Variants in TAFA1 observed in about 807,000 individuals in gnomAD.
TAFA1 encodes TAFA chemokine like family member 1, also known as chemokine-like protein TAFA-1.
In TAFA1, 4 loss-of-function variants were observed where a neutral mutation model predicts 18.5. That is an observed-to-expected ratio of 0.22 (90% CI 0.11 to 0.49). The LOEUF is 0.49. TAFA1 is among the 20% of genes least tolerant of loss of function. TAFA1 has a pLI of 0.98. For missense variants in TAFA1, 147 were observed against 169.0 expected, an observed-to-expected ratio of 0.87 and a Z score of 0.72; for synonymous variants, 56 against 55.2, an observed-to-expected ratio of 1.01 and a Z score of -0.06.
intron 2 of TAFA1, among the ~76,000 whole-genome samples, chr3:68,330,448 T>C (rs2068848169): frequency 6.6e-6 from 1 of 152,230 alleles, no homozygotes; most frequent in Non-Finnish European, 1.5e-5. Flanking sequence ...TGGAGAGCTA[T>C]ACCAGGTCCC....
chr3:68,148,871 C>T (rs2065773632), intron 2 of TAFA1, among the ~76,000 whole-genome samples: 1 of 152,206 alleles, frequency 6.6e-6, no homozygotes, highest in African/African-American at 2.4e-5. Flanking sequence ...ATAATATCTA[C>T]ATCACTCTGA....
At chr3:68,420,395 T>A (rs1249082870) in intron 3 of TAFA1, among the ~76,000 whole-genome samples, 1 of 152,134 alleles carries the variant, frequency 6.6e-6, no homozygotes. Context: ...TTTTCTTTTA[T>A]TTTCCGTAAA....
At chr3:68,443,304 A>G (rs754209698) in intron 3 of TAFA1, among the ~76,000 whole-genome samples, 4 of 151,928 alleles carry the variant, frequency 2.6e-5, no homozygotes, top group Non-Finnish European at 5.9e-5. Flanking sequence ...ATATCTGGCC[A>G]CCAAATATCT....
intron 2 of TAFA1, among the ~76,000 whole-genome samples, chr3:68,188,116 AG>A (rs1341559901): frequency 6.6e-5 from 10 of 151,848 alleles, no homozygotes; most frequent in African/African-American, 2.4e-4. Flanking sequence ...CATATTCTTG[AG>A]GATGTTTATT....
At chr3:68,316,369 C>G (rs936983891) in intron 2 of TAFA1, among the ~76,000 whole-genome samples, 5 of 152,002 alleles carry the variant, frequency 3.3e-5, no homozygotes, top group African/African-American at 1.2e-4. Flanking sequence ...TGAGGATATA[C>G]CCTCAGGTAA....
intron 2 of TAFA1, among the ~76,000 whole-genome samples, chr3:68,212,581 A>T (rs1430261305): frequency 6.6e-6 from 1 of 152,008 alleles, no homozygotes; most frequent in Non-Finnish European, 1.5e-5. Flanking sequence ...TATTAAAACC[A>T]TGAATCACTC....
At chr3:68,527,670 A>G (rs1180240492) in intron 3 of TAFA1, among the ~76,000 whole-genome samples, 2 of 152,064 alleles carry the variant, frequency 1.3e-5, no homozygotes, top group African/African-American at 4.8e-5. Context: ...TCTGGTCTTT[A>G]TATTTGGTGC....
intron 3 of TAFA1, among the ~76,000 whole-genome samples, chr3:68,504,880 C>A (rs542318829): frequency 6.6e-6 from 1 of 152,176 alleles, no homozygotes; most frequent in South Asian, 2.1e-4. Context: ...ATCAAGAATG[C>A]AAGTTATTCC....
intron 3 of TAFA1, among the ~76,000 whole-genome samples, chr3:68,491,620 A>G (rs929523275): frequency 6.6e-6 from 1 of 152,026 alleles, no homozygotes; most frequent in Non-Finnish European, 1.5e-5. Flanking sequence ...CAGCACACCA[A>G]CATGGCACAT....
chr3:68,082,201 G>A (rs905921059), intron 2 of TAFA1, among the ~76,000 whole-genome samples: 1 of 151,958 alleles, frequency 6.6e-6, no homozygotes, highest in African/African-American at 2.4e-5. Context: ...CCACTGAGCT[G>A]CGCCCACTGT....
At position 68,439,055 on chromosome 3, in the gene TAFA1, T is replaced by C. The variant is rs1294815460; in HGVS notation, c.259+21635T>C. On this transcript the variant is annotated intron_variant, in intron 3 of 4. Coordinates refer to ENST00000478136, the MANE Select transcript of TAFA1 (RefSeq NM_213609.4). Reference sequence around the variant, plus strand: ...TTGGGATCTTTCTTCCATTGTCTTATGGAATAATACTTGGCTCCCTTCTAT... The same window carrying C: ...TTGGGATCTTTCTTCCATTGTCTTACGGAATAATACTTGGCTCCCTTCTAT... Among the ~76,000 whole-genome samples, 4 of 152,086 alleles carry C rather than the reference T, an allele frequency of 2.6e-5. No individual in the cohort carries two copies. In the East Asian group the frequency reaches 7.7e-4, roughly 29 times the overall value.
At chr3:68,300,817 C>T (rs1336317866) in intron 2 of TAFA1, among the ~76,000 whole-genome samples, 1 of 152,248 alleles carries the variant, frequency 6.6e-6, no homozygotes, top group South Asian at 2.1e-4. Context: ...TCTAGTTCCT[C>T]CTGCATTCAT....
At chr3:68,155,319 T>C (rs1446203046) in intron 2 of TAFA1, among the ~76,000 whole-genome samples, 1 of 152,182 alleles carries the variant, frequency 6.6e-6, no homozygotes, top group Non-Finnish European at 1.5e-5. Flanking sequence ...TGTGCAGCCT[T>C]AGCAGACAGG....
chr3:68,023,175 T>C (rs1704735564), intron 2 of TAFA1, among the ~76,000 whole-genome samples: 1 of 152,058 alleles, frequency 6.6e-6, no homozygotes, highest in Admixed American at 6.6e-5. Flanking sequence ...AGCGTTAAGA[T>C]GGAAGTAAAT....
intron 2 of TAFA1, among the ~76,000 whole-genome samples, chr3:68,017,602 G>T (rs1704596033): frequency 6.6e-6 from 1 of 152,050 alleles, no homozygotes; most frequent in Admixed American, 6.6e-5. Context: ...AAAAATGTGT[G>T]CCATGAAGTT....
intron 2 of TAFA1, among the ~76,000 whole-genome samples, chr3:68,264,587 T>G (rs562429188): frequency 6.6e-6 from 1 of 152,168 alleles, no homozygotes; most frequent in African/African-American, 2.4e-5. Flanking sequence ...TTCAATGTTA[T>G]CATTTTAAAG....
At chr3:68,139,283 A>C (rs2065642530) in intron 2 of TAFA1, among the ~76,000 whole-genome samples, 1 of 152,234 alleles carries the variant, frequency 6.6e-6, no homozygotes, top group African/African-American at 2.4e-5. Flanking sequence ...GGAGAAATAC[A>C]CACCACTGGA....
At chr3:68,461,939 A>G (rs534347404) in intron 3 of TAFA1, among the ~76,000 whole-genome samples, 1 of 152,224 alleles carries the variant, frequency 6.6e-6, no homozygotes, top group South Asian at 2.1e-4. Flanking sequence ...AAAGATGTTT[A>G]TTTAGGAAAA....
Position 68,371,760 on chromosome 3 carries a change from A to C in TAFA1, c.119-45520A>C, listed in dbSNP as rs77109738. Among the ~76,000 whole-genome samples the C allele has an allele frequency of 4.9e-3, 749 of 152,344 alleles. 6 individuals carry two copies. The highest frequency in any genetic ancestry group is 0.017 in the African/African-American group (708 of 41,580). On this transcript the variant is annotated intron_variant, in intron 2 of 4. Coordinates refer to ENST00000478136, the MANE Select transcript of TAFA1 (RefSeq NM_213609.4). Reference sequence around the variant, plus strand: ...AACTCAAATGCGCACAGGATGCATAAAATTTAAAAATAAACAAAAGTGGCC... The same window carrying C: ...AACTCAAATGCGCACAGGATGCATACAATTTAAAAATAAACAAAAGTGGCC...
Sources: allele counts gnomAD v4.1 joint callset (sites outside exome capture counted in the v4.1 genomes callset), GRCh38; gene constraint gnomAD v4.1.1; transcripts MANE v1.5; gene names NCBI Gene and HGNC (gene_info 2026-07-23, HGNC 2026-07-21).